The following ZFYVE9 variants were observed in gnomAD, a reference collection of about 807,000 sequenced individuals.
The protein encoded by ZFYVE9 is zinc finger FYVE-type containing 9, also known as zinc finger FYVE domain-containing protein 9.
In ZFYVE9, 43 loss-of-function variants were observed where a neutral mutation model predicts 126.7. The ratio of observed to expected loss-of-function variants is 0.34; its 90% CI spans 0.27 to 0.44. The LOEUF (loss-of-function observed/expected upper bound fraction) is 0.44, where lower values mean the gene tolerates loss of function less well. ZFYVE9 is among the 20% of genes least tolerant of loss of function. The pLI, the probability that ZFYVE9 is intolerant of heterozygous loss-of-function variation, is 1.00. For missense variants in ZFYVE9, 1,476 were observed against 1,697.0 expected (o/e 0.87, Z 2.29); for synonymous variants, 521 against 597.4 (o/e 0.87, Z 1.87).
intron 8 of ZFYVE9, among the ~76,000 whole-genome samples, chr1:52,276,864 T>C (rs1054155798): frequency 4.6e-5 from 7 of 152,236 alleles, no homozygotes; most frequent in African/African-American, 1.7e-4. Flanking sequence ...TTCTTTCACT[T>C]AGACTATGAA....
intron 8 of ZFYVE9, among the ~76,000 whole-genome samples, chr1:52,275,976 C>T (rs1354790894): frequency 6.9e-6 from 1 of 144,910 alleles, no homozygotes; most frequent in African/African-American, 2.6e-5. Flanking sequence ...GGTACAGCCT[C>T]AGCTCACCAC....
chr1:52,317,862 G>A lies in ZFYVE9; in HGVS notation c.3438+13937G>A, dbSNP rs896231176. Among the ~76,000 whole-genome samples, 22 of 152,142 alleles carry A rather than the reference G, an allele frequency of 1.4e-4. 1 individual carries two copies. Among genetic ancestry groups the A allele is most frequent in the Non-Finnish European group, 2.4e-4 (16 of 68,016 alleles). ...AACAGTAAGTTTTCACAGCTCTCAA[G>A]ATTAAATAGATAACCTAAATAGCCC... On this transcript the variant is annotated intron_variant, in intron 13 of 18. Coordinates refer to ENST00000287727, the MANE Select transcript of ZFYVE9 (RefSeq NM_004799.4).
intron 1 of ZFYVE9, among the ~76,000 whole-genome samples, chr1:52,168,456 A>G (rs1354722886): frequency 6.7e-6 from 1 of 150,298 alleles, no homozygotes; most frequent in Non-Finnish European, 1.5e-5. Context: ...ACCTCAGGTG[A>G]TCTGCCTGCC....
chr1:52,186,941 G>A (rs1001135052), intron 1 of ZFYVE9, among the ~76,000 whole-genome samples: 1 of 151,986 alleles, frequency 6.6e-6, no homozygotes, highest in Non-Finnish European at 1.5e-5. Flanking sequence ...ACTATCAATG[G>A]CATTCTACAC....
chr1:52,164,642 G>C (rs1049433162), intron 1 of ZFYVE9, among the ~76,000 whole-genome samples: 1 of 151,296 alleles, frequency 6.6e-6, no homozygotes, highest in Non-Finnish European at 1.5e-5. Context: ...TTGTCCGTCC[G>C]TCCATCCGTC....
At position 52,263,930 on chromosome 1, in the gene ZFYVE9, T is replaced by C. The variant is rs346558; in HGVS notation, c.2278+58T>C. On this transcript the variant is annotated intron_variant, in intron 5 of 18. Transcript: ENST00000287727. ...TTGAGACAAAACAAGGGAATTACGA[T>C]GAGAAGACTTTTTTCCCCCTGCCTT... The C allele has an allele frequency of 2.4e-3, 2,839 of 1,179,800 alleles. 43 individuals are homozygous for C. The African/African-American group carries it at 0.039, about 16-fold the overall frequency. 73.1% of individuals were successfully genotyped at this position (1,179,800 alleles called of 1,614,324 possible).
At chr1:52,341,578 G>A (rs1173954001) in intron 17 of ZFYVE9, among the ~76,000 whole-genome samples, 1 of 152,170 alleles carries the variant, frequency 6.6e-6, no homozygotes, top group African/African-American at 2.4e-5. Context: ...ATGCTCATTT[G>A]TAAAGGATTA....
chr1:52,253,670 A>T (rs1227629814), intron 4 of ZFYVE9: 12 of 1,595,520 alleles, frequency 7.5e-6, no homozygotes, highest in Non-Finnish European at 1.0e-5. Flanking sequence ...GAGCAGTTGG[A>T]AAAGACTGGA....
intron 13 of ZFYVE9, among the ~76,000 whole-genome samples, chr1:52,331,033 A>T (rs1023158304): frequency 6.6e-6 from 1 of 151,700 alleles, no homozygotes; most frequent in Non-Finnish European, 1.5e-5. Flanking sequence ...CACCCAGCTC[A>T]TTTTTTTGTA....
intron 1 of ZFYVE9, among the ~76,000 whole-genome samples, chr1:52,215,846 T>C (rs1572106749): frequency 6.6e-6 from 1 of 152,202 alleles, no homozygotes; most frequent in Admixed American, 6.5e-5. Context: ...AATAGATCCA[T>C]TGCTTCTAAG....
At chr1:52,147,442 C>G (rs1413482634) in intron 1 of ZFYVE9, among the ~76,000 whole-genome samples, 5 of 152,174 alleles carry the variant, frequency 3.3e-5, no homozygotes, top group Non-Finnish European at 7.4e-5. Flanking sequence ...CGCTAATGTA[C>G]TTTCTGCCTC....
chr1:52,326,010 C>T (rs923933526), intron 13 of ZFYVE9, among the ~76,000 whole-genome samples: 6 of 152,160 alleles, frequency 3.9e-5, no homozygotes, highest in Non-Finnish European at 5.9e-5. Context: ...TGGGAAACAC[C>T]GGGAGGTAAA....
At chr1:52,172,281 TC>T (rs1644580162) in intron 1 of ZFYVE9, among the ~76,000 whole-genome samples, 1 of 152,236 alleles carries the variant, frequency 6.6e-6, no homozygotes, top group Non-Finnish European at 1.5e-5. Flanking sequence ...TGCTTGTTTA[TC>T]TCAGATTTGT....
At chr1:52,210,275 T>A (rs182457859) in intron 1 of ZFYVE9, among the ~76,000 whole-genome samples, 18 of 152,118 alleles carry the variant, frequency 1.2e-4, no homozygotes, top group Admixed American at 7.2e-4. Context: ...TCAGAAAAAA[T>A]GCATTTACTG....
At chr1:52,283,637 G>A (rs965286477) in intron 10 of ZFYVE9, among the ~76,000 whole-genome samples, 3 of 152,152 alleles carry the variant, frequency 2.0e-5, no homozygotes, top group African/African-American at 4.8e-5. Context: ...CATTTATATG[G>A]TTTTCTAAAA....
At chr1:52,295,262 A>G (rs918671676) in intron 11 of ZFYVE9, among the ~76,000 whole-genome samples, 2 of 151,088 alleles carry the variant, frequency 1.3e-5, no homozygotes, top group Non-Finnish European at 3.0e-5. Flanking sequence ...CTTATTGAGC[A>G]CAGAGGAATC....
chr1:52,252,580 G>A (rs547072792), intron 4 of ZFYVE9: 25 of 197,688 alleles, frequency 1.3e-4, no homozygotes, highest in African/African-American at 4.7e-4. Flanking sequence ...GGGTGGTCTC[G>A]ATCTCCTGAC....
At chr1:52,306,363 GC>G (rs1268831399) in intron 13 of ZFYVE9, among the ~76,000 whole-genome samples, 2 of 152,104 alleles carry the variant, frequency 1.3e-5, no homozygotes, top group Non-Finnish European at 2.9e-5. Flanking sequence ...TCACTCCAGG[GC>G]CGCCTCTCTG....
intron 1 of ZFYVE9, among the ~76,000 whole-genome samples, chr1:52,186,356 C>T (rs952322286): frequency 6.6e-6 from 1 of 152,124 alleles, no homozygotes; most frequent in African/African-American, 2.4e-5. Context: ...CAACCCACAG[C>T]CAACCTCATA....
Sources: allele counts gnomAD v4.1 joint callset (sites outside exome capture counted in the v4.1 genomes callset), GRCh38; gene constraint gnomAD v4.1.1; transcripts MANE v1.5; gene names NCBI Gene and HGNC (gene_info 2026-07-23, HGNC 2026-07-21).